Variants in MAP2K2 observed in about 807,000 individuals in gnomAD.
MAP2K2 encodes mitogen-activated protein kinase kinase 2.
MAP2K2 carries 24 observed loss-of-function variants against 43.7 expected under a neutral mutation model. That is an observed-to-expected ratio of 0.55 (90% CI 0.40 to 0.77). The LOEUF (loss-of-function observed/expected upper bound fraction) is 0.77, where lower values mean the gene tolerates loss of function less well. Ranked by LOEUF, MAP2K2 falls within the 30% of genes least tolerant of loss-of-function variation. The probability of loss-of-function intolerance (pLI) is 0.00; values close to 1 mark genes in which losing one functional copy is unlikely to be tolerated. For synonymous variants in MAP2K2, 244 were observed against 239.7 expected (o/e 1.02, Z -0.17); for missense variants, 470 against 566.8 (o/e 0.83, Z 1.73).
chr19:4,118,505 G>GTT (rs2145082228), intron 1 of MAP2K2, among the ~76,000 whole-genome samples: 1 of 152,170 alleles, frequency 6.6e-6, no homozygotes, highest in Non-Finnish European at 1.5e-5. Context: ...CTTGAACCCG[G>GTT]GAGGGGGAGA....
chr19:4,107,719 C>A (rs566315667), intron 3 of MAP2K2, among the ~76,000 whole-genome samples: 29 of 151,150 alleles, frequency 1.9e-4, no homozygotes, highest in African/African-American at 6.8e-4. Context: ...CTACCCCCCA[C>A]AAAAAAAGAA....
chr19:4,116,487 A>G (rs1196986693), intron 2 of MAP2K2, among the ~76,000 whole-genome samples: 7 of 150,962 alleles, frequency 4.6e-5, no homozygotes, highest in African/African-American at 1.5e-4. Flanking sequence ...CCAAGATCGC[A>G]CCACTGCACT....
At chr19:4,092,206 G>A (rs1037285757) in intron 10 of MAP2K2, among the ~76,000 whole-genome samples, 13 of 152,156 alleles carry the variant, frequency 8.5e-5, no homozygotes, top group African/African-American at 2.9e-4. Flanking sequence ...CCTAAAAGTC[G>A]GTGTAGGTAT....
Position 4,101,383 on chromosome 19 carries a change from G to C in MAP2K2, c.529-103C>G. 1 of 1,299,188 alleles carries C rather than the reference G, an allele frequency of 7.7e-7. No homozygotes were observed. Among genetic ancestry groups the C allele is most frequent in the Non-Finnish European group, 1.1e-6 (1 of 919,214 alleles). The allele number at this position is 1,299,188 out of a possible 1,614,324, so 80.5% of individuals were successfully genotyped here. A position where few individuals can be genotyped will look rare whatever the true frequency, so the allele number is the denominator to read the frequency against. ...GAGCAGTCAGAGCTGGAGCGAGGGAGCTGCGGCAGGAACCATTTCAGGCTG... is the reference window on the plus strand; with the variant it reads ...GAGCAGTCAGAGCTGGAGCGAGGGACCTGCGGCAGGAACCATTTCAGGCTG... On this transcript the variant is annotated intron_variant, in intron 4 of 10. Coordinates refer to ENST00000262948, the MANE Select transcript of MAP2K2 (RefSeq NM_030662.4). The surrounding 1 kb of genome is among the most constrained non-coding windows in gnomAD (Gnocchi z 6.3).
At chr19:4,118,732 T>C (rs1374790637) in intron 1 of MAP2K2, among the ~76,000 whole-genome samples, 2 of 152,116 alleles carry the variant, frequency 1.3e-5, no homozygotes, top group East Asian at 1.9e-4. Context: ...CAGTGAGCCA[T>C]GATCGTGACA....
chr19:4,094,655 CTCCT>C, intron 9 of MAP2K2, 157 bp from the exon 10 acceptor site: 3 of 710,266 alleles, frequency 4.2e-6, no homozygotes, highest in South Asian at 1.7e-5. Context: ...TCTGTTCTGC[CTCCT>C]GGCAGAGGAC....
chr19:4,103,004 G>A (rs767710518), intron 3 of MAP2K2: 141 of 1,062,780 alleles, frequency 1.3e-4, no homozygotes, highest in African/African-American at 1.4e-4. Flanking sequence ...GGGCTCCCTC[G>A]CCAAGCCCTG....
In MAP2K2 at chr19:4,094,468, G is replaced by A; in HGVS notation, c.1077C>T (p.Asp359=). 1 of 1,567,032 alleles carries A rather than the reference G, an allele frequency of 6.4e-7. No individual in the cohort carries two copies. The highest frequency in any genetic ancestry group is 8.7e-7 in the Non-Finnish European group (1 of 1,155,194). Residue 359 remains aspartate (D), a synonymous_variant, in exon 10 of 11, where the codon GAC becomes GAT. Transcript: ENST00000262948. ...CATCACTCACTGTGAGCATCTTCAG[G>A]TCCGCCCGCTCCGCTGGGTTCTTGA... is the stretch of plus-strand genomic sequence containing the variant. ...CLIKNPAERA[D]LKMLTNHTFI...
At chr19:4,107,863 C>T (rs575928997) in intron 3 of MAP2K2, among the ~76,000 whole-genome samples, 5 of 152,354 alleles carry the variant, frequency 3.3e-5, no homozygotes, top group African/African-American at 1.2e-4. Context: ...GGAGCTCACA[C>T]AGTCCTCACC....
rs754233409 is a variant in MAP2K2, at chr19:4,101,146, G to A, written c.581-3C>T. The A allele has an allele frequency of 1.7e-5, 28 of 1,608,278 alleles. No individual in the cohort carries two copies. The highest frequency in any genetic ancestry group is 4.0e-5 in the African/African-American group (3 of 74,788). ...GAGGATGTTGGAGGGCTTCACATCT[G>A]GAGGCGGCAGGCTGCGGGTGAGGGG... On this transcript the variant is annotated splice_region_variant and splice_polypyrimidine_tract_variant and intron_variant, in intron 5 of 10. Transcript: ENST00000262948. The surrounding 1 kb of genome is among the most constrained non-coding windows in gnomAD (Gnocchi z 6.3).
chr19:4,091,018 C>T (rs1398138392), intron 10 of MAP2K2, among the ~76,000 whole-genome samples: 3 of 152,334 alleles, frequency 2.0e-5, no homozygotes, highest in South Asian at 4.1e-4. Context: ...GTCCTCCGGC[C>T]GCTGTGGACA....
chr19:4,118,958 T>C (rs1441650419), intron 1 of MAP2K2, among the ~76,000 whole-genome samples: 1 of 152,244 alleles, frequency 6.6e-6, no homozygotes. Context: ...AACCCATTGC[T>C]GTGCACAAGC....
chr19:4,119,554 C>T (rs1363445993), intron 1 of MAP2K2, among the ~76,000 whole-genome samples: 3 of 152,222 alleles, frequency 2.0e-5, no homozygotes, highest in South Asian at 4.1e-4. Context: ...TTGATTTAAC[C>T]CATCAAAAAT....
At chr19:4,108,360 C>A (rs543064278) in intron 3 of MAP2K2, among the ~76,000 whole-genome samples, 1 of 152,194 alleles carries the variant, frequency 6.6e-6, no homozygotes, top group South Asian at 2.1e-4. Flanking sequence ...CCTGCCTCAG[C>A]CTCCCAAGTA....
intron 1 of MAP2K2, among the ~76,000 whole-genome samples, chr19:4,119,787 C>T (rs1374897866): frequency 6.6e-6 from 1 of 152,216 alleles, no homozygotes; most frequent in African/African-American, 2.4e-5. Context: ...GGTCCCAATT[C>T]AGGAAGGAGC....
At chr19:4,098,509 TA>T (rs1781844771) in intron 7 of MAP2K2, among the ~76,000 whole-genome samples, 1 of 151,926 alleles carries the variant, frequency 6.6e-6, no homozygotes, top group Non-Finnish European at 1.5e-5. Flanking sequence ...TGTCTGACTT[TA>T]AAAAAAATCA....
chr19:4,093,054 C>T (rs552410267), intron 10 of MAP2K2, among the ~76,000 whole-genome samples: 72 of 152,074 alleles, frequency 4.7e-4, no homozygotes, highest in Non-Finnish European at 8.2e-4. Context: ...ACTAAAAATA[C>T]AAAAATTAGC....
intron 3 of MAP2K2, chr19:4,103,391 AGGC>A: frequency 1.1e-5 from 4 of 353,724 alleles, no homozygotes; most frequent in Non-Finnish European, 1.6e-5. Context: ...GCCTCTTCAG[AGGC>A]AGAGGCTCCG....
chr19:4,112,114 C>T (rs940003350), intron 2 of MAP2K2, among the ~76,000 whole-genome samples: 4 of 152,238 alleles, frequency 2.6e-5, no homozygotes, highest in African/African-American at 7.2e-5. Context: ...CACAGCATCC[C>T]GCTCCAGCCA....
Sources: gnomAD v4.1 joint callset for allele counts (sites outside exome capture counted in the v4.1 genomes callset) on GRCh38, gnomAD v4.1.1 for gene constraint, Gnocchi (gnomAD v3.1) non-coding constraint, MANE v1.5 for transcripts, NCBI Gene and HGNC (gene_info 2026-07-23, HGNC 2026-07-21) for gene names.